ROBO1: variants seen among roughly 807,000 people sequenced by gnomAD.
ROBO1 encodes the protein roundabout homolog 1.
Under a neutral mutation model 195.9 loss-of-function variants are expected in ROBO1, and 149 were observed. That is an observed-to-expected ratio of 0.76 (90% CI 0.67 to 0.87). The LOEUF is 0.87. ROBO1 is among the 40% of genes least tolerant of loss of function. The probability of loss-of-function intolerance (pLI) is 0.00; values close to 1 mark genes in which losing one functional copy is unlikely to be tolerated. For missense variants in ROBO1, 1,933 were observed against 2,068.3 expected, an observed-to-expected ratio of 0.93 and a Z score of 1.27; for synonymous variants, 816 against 733.2, an observed-to-expected ratio of 1.11 and a Z score of -1.82.
intron 2 of ROBO1, among the ~76,000 whole-genome samples, chr3:79,512,387 G>A (rs1417257552): frequency 6.6e-6 from 1 of 152,058 alleles, no homozygotes; most frequent in Non-Finnish European, 1.5e-5. Context: ...TCTAAAATTA[G>A]AATAGCTTAT....
At chr3:79,207,896 A>T (rs1279408014) in intron 2 of ROBO1, among the ~76,000 whole-genome samples, 1 of 152,126 alleles carries the variant, frequency 6.6e-6, no homozygotes, top group Non-Finnish European at 1.5e-5. Context: ...GGGCTTGAAC[A>T]TACCTTGAGA....
At chr3:79,315,248 C>T (rs2033681029) in intron 2 of ROBO1, among the ~76,000 whole-genome samples, 1 of 152,054 alleles carries the variant, frequency 6.6e-6, no homozygotes, top group African/African-American at 2.4e-5. Flanking sequence ...TCAGTACCAG[C>T]CTGGGCCACA....
chr3:79,446,592 T>C (rs1253847664), intron 2 of ROBO1, among the ~76,000 whole-genome samples: 2 of 152,190 alleles, frequency 1.3e-5, no homozygotes, highest in African/African-American at 4.8e-5. Context: ...GGAACATCTG[T>C]TTATTTTTAA....
At chr3:78,632,327 G>A (rs72904789) in intron 24 of ROBO1, among the ~76,000 whole-genome samples, 5,556 of 152,238 alleles carry the variant, frequency 0.036, 341 homozygotes, top group African/African-American at 0.13. Context: ...TGTTAAGCCA[G>A]ATGTTCTTGT....
chr3:78,740,030 G>A (rs2082486855), intron 5 of ROBO1, among the ~76,000 whole-genome samples: 1 of 152,144 alleles, frequency 6.6e-6, no homozygotes, highest in South Asian at 2.1e-4. Flanking sequence ...TGTAGTGACT[G>A]CATTAGCAGA....
At chr3:79,190,528 C>T (rs373863034) in intron 2 of ROBO1, among the ~76,000 whole-genome samples, 32 of 151,578 alleles carry the variant, frequency 2.1e-4, no homozygotes, top group Admixed American at 7.3e-4. Flanking sequence ...TTTCTGATGA[C>T]GACAGGGTTG....
In ROBO1 at chr3:79,578,987, G is replaced by A. The variant is rs1212704511; in HGVS notation, c.88+10837C>T. 2.0e-5 allele frequency among the ~76,000 whole-genome samples: 3 copies of A among 152,148 alleles called. No homozygotes were observed. The East Asian group carries it at 5.8e-4, about 29-fold the overall frequency. On this transcript the variant is annotated intron_variant, in intron 2 of 30. Transcript: ENST00000464233. The stretch of plus-strand genomic sequence containing the variant: ...TAGCTTTGAGGAGCTTGCGGATTAT[G>A]TCAGCTCAATTTCCCTCTATATATT...
chr3:78,782,088 A>C (rs1361032775), intron 4 of ROBO1, among the ~76,000 whole-genome samples: 2 of 152,198 alleles, frequency 1.3e-5, no homozygotes, highest in African/African-American at 4.8e-5. Flanking sequence ...CTGGAAACTA[A>C]ATATGAACCT....
chr3:78,686,012 C>A, intron 9 of ROBO1, 95 bp from the exon 10 acceptor site: 1 of 1,029,524 alleles, frequency 9.7e-7, no homozygotes, highest in Non-Finnish European at 1.4e-6. Context: ...TAAAAACATA[C>A]ATATAAAAGT....
chr3:79,232,888 T>C (rs1206483370), intron 2 of ROBO1, among the ~76,000 whole-genome samples: 1 of 152,074 alleles, frequency 6.6e-6, no homozygotes, highest in East Asian at 1.9e-4. Context: ...CAGGAAGATA[T>C]GAGTGACACA....
At chr3:78,606,130 CT>C (rs1438091665) in intron 29 of ROBO1, among the ~76,000 whole-genome samples, 3 of 152,200 alleles carry the variant, frequency 2.0e-5, no homozygotes, top group Non-Finnish European at 2.9e-5. Context: ...CACAAATGCC[CT>C]TGTTATAAAT....
chr3:79,470,639 G>A (rs1490475860), intron 2 of ROBO1, among the ~76,000 whole-genome samples: 1 of 152,052 alleles, frequency 6.6e-6, no homozygotes, highest in African/African-American at 2.4e-5. Flanking sequence ...ATTTAATCAT[G>A]GGGGCAGTTT....
At chr3:79,417,002 T>C (rs1296414768) in intron 2 of ROBO1, among the ~76,000 whole-genome samples, 1 of 152,170 alleles carries the variant, frequency 6.6e-6, no homozygotes, top group East Asian at 1.9e-4. Flanking sequence ...TTTGAGAGGA[T>C]AAAATACTTT....
chr3:79,362,061 A>G (rs894059148), intron 2 of ROBO1, among the ~76,000 whole-genome samples: 1 of 152,048 alleles, frequency 6.6e-6, no homozygotes, highest in East Asian at 1.9e-4. Flanking sequence ...TATGAATTTT[A>G]GGATGTATGT....
chr3:78,686,882 T>G (rs1575935291), intron 9 of ROBO1, among the ~76,000 whole-genome samples: 1 of 152,300 alleles, frequency 6.6e-6, no homozygotes, highest in East Asian at 1.9e-4. Context: ...TTGAATTTAA[T>G]TAAAAGATCA....
At chr3:78,999,684 CT>C (rs1451300691) in intron 3 of ROBO1, among the ~76,000 whole-genome samples, 3 of 152,086 alleles carry the variant, frequency 2.0e-5, no homozygotes, top group East Asian at 1.9e-4. Flanking sequence ...GATGTACCCC[CT>C]GAATCTAAAA....
chr3:79,267,980 AT>A (rs575533206), intron 2 of ROBO1, among the ~76,000 whole-genome samples: 78 of 151,804 alleles, frequency 5.1e-4, no homozygotes, highest in African/African-American at 1.7e-3. Flanking sequence ...CCATGGGAAA[AT>A]CATATTTCAG....
chr3:78,901,713 C>A (rs1177836802), intron 4 of ROBO1, among the ~76,000 whole-genome samples: 2 of 152,128 alleles, frequency 1.3e-5, no homozygotes, highest in East Asian at 3.9e-4. Context: ...TGGCTCCTGT[C>A]TTTTGATATT....
intron 3 of ROBO1, among the ~76,000 whole-genome samples, chr3:79,091,359 T>TA: frequency 6.6e-6 from 1 of 152,070 alleles, no homozygotes; most frequent in African/African-American, 2.4e-5. Flanking sequence ...ACAAATTCAA[T>TA]AAAAAGTAAA....
Sources: gnomAD v4.1 joint callset for allele counts (sites outside exome capture counted in the v4.1 genomes callset) on GRCh38, gnomAD v4.1.1 for gene constraint, MANE v1.5 for transcripts, NCBI Gene and HGNC (gene_info 2026-07-23, HGNC 2026-07-21) for gene names.